Variants in SLC14A2 observed in about 807,000 individuals in gnomAD.
SLC14A2 encodes the protein urea transporter 2.
A neutral mutation model predicts 104.6 loss-of-function variants in SLC14A2; 91 were observed. The ratio of observed to expected loss-of-function variants is 0.87; its 90% CI spans 0.73 to 1.04. The LOEUF is 1.04. Ranked by LOEUF, SLC14A2 falls within the 50% of genes least tolerant of loss-of-function variation. The pLI, the probability that SLC14A2 is intolerant of heterozygous loss-of-function variation, is 0.00. For missense variants in SLC14A2, 1,189 were observed against 1,156.0 expected, an observed-to-expected ratio of 1.03 and a Z score of -0.41; for synonymous variants, 476 against 466.4, an observed-to-expected ratio of 1.02 and a Z score of -0.27.
Position 45,637,091 on chromosome 18 carries a change from C to A in SLC14A2, c.752C>A (p.Thr251Lys). The stretch of plus-strand genomic sequence containing the variant: ...GCAGTCACCTTGTACCTTGCAGCCA[C>A]AGGCCACTACAACCTCTTCTTCCCC... ...NIAVTLYLAA[T>K]GHYNLFFPTT... The change falls in exon 6 of 20, where the codon ACA becomes AAA. Residue 251 changes from threonine to lysine, a missense_variant. Physicochemically the swap from Thr to Lys is moderately conservative, Grantham distance 78. Transcript: ENST00000255226. The A allele has an allele frequency of 6.2e-7, 1 of 1,614,194 alleles. No individual in the cohort carries two copies. The highest frequency in any genetic ancestry group is 8.5e-7 in the Non-Finnish European group (1 of 1,179,994).
rs182182933 is a variant in SLC14A2 at position 45,344,322 on chromosome 18, G to T, written c.-125+131131G>T. 4.6e-4 allele frequency among the ~76,000 whole-genome samples: 70 copies of T among 152,226 alleles called. 1 individual carries two copies. The East Asian group carries it at 0.014, about 29-fold the overall frequency. On this transcript the variant is annotated intron_variant, in intron 1 of 20. Transcript: ENST00000586448. ...TTCTCTAAGACCACATAAACAAAGG[G>T]TTCCATCCTGAAAGACTGCCCCAAC... is the stretch of plus-strand genomic sequence containing the variant.
At chr18:45,444,938 G>C (rs1422113669) in intron 1 of SLC14A2, among the ~76,000 whole-genome samples, 1 of 152,112 alleles carries the variant, frequency 6.6e-6, no homozygotes, top group Non-Finnish European at 1.5e-5. Flanking sequence ...TTGATAGCCA[G>C]TATCTAATAC....
chr18:45,279,308 CA>C (rs1304006551), intron 1 of SLC14A2, among the ~76,000 whole-genome samples: 1 of 152,202 alleles, frequency 6.6e-6, no homozygotes, highest in Non-Finnish European at 1.5e-5. Context: ...TCACTTGAAG[CA>C]TTTCTGATGA....
At chr18:45,255,134 C>A (rs369607715) in intron 1 of SLC14A2, among the ~76,000 whole-genome samples, 1 of 152,134 alleles carries the variant, frequency 6.6e-6, no homozygotes, top group Admixed American at 6.5e-5. Flanking sequence ...CCATTCCCCC[C>A]GAACACACTG....
At chr18:45,459,379 G>A (rs1009140289) in intron 1 of SLC14A2, among the ~76,000 whole-genome samples, 2 of 152,188 alleles carry the variant, frequency 1.3e-5, no homozygotes, top group Non-Finnish European at 1.5e-5. Context: ...ACTCTGTGCT[G>A]TTGTGCCCTC....
At chr18:45,596,126 G>A (rs1299292422) in intron 2 of SLC14A2, among the ~76,000 whole-genome samples, 1 of 152,184 alleles carries the variant, frequency 6.6e-6, no homozygotes, top group Non-Finnish European at 1.5e-5. Context: ...TGTAAACTCT[G>A]CCTGTGTACC....
intron 2 of SLC14A2, among the ~76,000 whole-genome samples, chr18:45,570,169 G>T (rs986918329): frequency 6.6e-6 from 1 of 152,154 alleles, no homozygotes; most frequent in African/African-American, 2.4e-5. Context: ...GAAGGATGAA[G>T]AACACAGCCC....
chr18:45,349,728 A>G (rs926477133), intron 1 of SLC14A2, among the ~76,000 whole-genome samples: 1 of 152,208 alleles, frequency 6.6e-6, no homozygotes, highest in African/African-American at 2.4e-5. Context: ...GAATCATCCA[A>G]GGTGTTGTCA....
At chr18:45,671,355 A>G (rs545585705) in intron 16 of SLC14A2, among the ~76,000 whole-genome samples, 23 of 152,298 alleles carry the variant, frequency 1.5e-4, no homozygotes, top group Non-Finnish European at 2.8e-4. Flanking sequence ...TTTCTGGCCA[A>G]CTGAATGGAT....
At chr18:45,197,733 CTCAT>C in the SLC14A2 span, among the ~76,000 whole-genome samples, 3 of 152,212 alleles carry the variant, frequency 2.0e-5, no homozygotes, top group African/African-American at 7.2e-5. Flanking sequence ...AACAATGCGT[CTCAT>C]TCATTGCTTG....
chr18:45,470,030 G>C (rs1367638618), intron 1 of SLC14A2, among the ~76,000 whole-genome samples: 1 of 152,126 alleles, frequency 6.6e-6, no homozygotes, highest in Non-Finnish European at 1.5e-5. Context: ...AAAGTATTCT[G>C]ATATCTTTAA....
intron 1 of SLC14A2, among the ~76,000 whole-genome samples, chr18:45,405,960 T>C (rs2086151119): frequency 2.0e-5 from 3 of 151,992 alleles, no homozygotes; most frequent in Admixed American, 1.3e-4. Flanking sequence ...TTTTTTTTAC[T>C]GGTAGATGGT....
At chr18:45,381,728 G>C (rs981879515) in intron 1 of SLC14A2, among the ~76,000 whole-genome samples, 7 of 152,118 alleles carry the variant, frequency 4.6e-5, no homozygotes, top group African/African-American at 1.7e-4. Flanking sequence ...TCAACTCCGG[G>C]GGTTGGGGGG....
At chr18:45,168,084 G>A in the SLC14A2 span, among the ~76,000 whole-genome samples, 2 of 152,126 alleles carry the variant, frequency 1.3e-5, no homozygotes, top group East Asian at 1.9e-4. Context: ...CCGTCTTGAT[G>A]TTGCCCTGAA....
intron 2 of SLC14A2, among the ~76,000 whole-genome samples, chr18:45,518,659 C>A (rs371755828): frequency 0.025 from 1,807 of 73,134 alleles, 32 homozygotes; most frequent in African/African-American, 0.057. Context: ...CTGGACTTGG[C>A]CACTGATAGT....
At chr18:45,395,403 G>A (rs2086017953) in intron 1 of SLC14A2, among the ~76,000 whole-genome samples, 1 of 152,174 alleles carries the variant, frequency 6.6e-6, no homozygotes, top group Non-Finnish European at 1.5e-5. Flanking sequence ...AGGCTGAGTA[G>A]AATGGGAGTT....
chr18:45,609,450 G>T (rs1417981545), intron 2 of SLC14A2, among the ~76,000 whole-genome samples: 1 of 151,980 alleles, frequency 6.6e-6, no homozygotes, highest in Admixed American at 6.6e-5. Flanking sequence ...CTTTGGTAAT[G>T]CACAGTTATT....
At chr18:45,281,777 C>T (rs1158405596) in intron 1 of SLC14A2, among the ~76,000 whole-genome samples, 1 of 152,124 alleles carries the variant, frequency 6.6e-6, no homozygotes, top group African/African-American at 2.4e-5. Flanking sequence ...AATCTGACAC[C>T]TTTCTGTTAA....
intron 2 of SLC14A2, among the ~76,000 whole-genome samples, chr18:45,547,736 G>A (rs1408002122): frequency 6.6e-6 from 1 of 152,192 alleles, no homozygotes; most frequent in East Asian, 1.9e-4. Context: ...AAGGTGGCTG[G>A]TAAAATACTT....
Sources: allele counts gnomAD v4.1 joint callset (sites outside exome capture counted in the v4.1 genomes callset), GRCh38; gene constraint gnomAD v4.1.1; transcripts MANE v1.5; gene names NCBI Gene and HGNC (gene_info 2026-07-23, HGNC 2026-07-21).